Variants in DBNDD1 observed in about 807,000 individuals in gnomAD.
The protein encoded by DBNDD1 is dysbindin domain containing 1, also known as dysbindin domain-containing protein 1.
In DBNDD1, 14 loss-of-function variants were observed where a neutral mutation model predicts 17.0. The ratio of observed to expected loss-of-function variants is 0.82; its 90% CI spans 0.54 to 1.29. The LOEUF (loss-of-function observed/expected upper bound fraction) is 1.29, where lower values mean the gene tolerates loss of function less well. Ranked by LOEUF, DBNDD1 falls within the 50% of genes most tolerant of loss-of-function variation. DBNDD1 has a pLI of 0.00. For missense variants in DBNDD1, 221 were observed against 216.2 expected, an observed-to-expected ratio of 1.02 and a Z score of -0.14; for synonymous variants, 105 against 102.0, an observed-to-expected ratio of 1.03 and a Z score of -0.18.
At chr16:90,011,855 A>C (rs1306925207) in intron 1 of DBNDD1, among the ~76,000 whole-genome samples, 16 of 152,152 alleles carry the variant, frequency 1.1e-4, no homozygotes, top group Non-Finnish European at 1.5e-5. Context: ...CCTCCCGGAC[A>C]CCAGCAGGAA....
At chr16:90,009,858 G>T in intron 1 of DBNDD1, 1 of 1,195,938 alleles carries the variant, frequency 8.4e-7, no homozygotes, top group Non-Finnish European at 1.2e-6. Context: ...CTTCAAACCA[G>T]AACAGCCCCT....
chr16:90,018,529 C>T (rs1019564560), intron 1 of DBNDD1, among the ~76,000 whole-genome samples: 13 of 152,226 alleles, frequency 8.5e-5, no homozygotes, highest in African/African-American at 2.7e-4. Context: ...GTGGGCTTGG[C>T]TGGGCAGGTG....
rs138203048 is a variant in DBNDD1 at position 90,018,522 on chromosome 16, G to A, written c.31+789C>T. Among the ~76,000 whole-genome samples the A allele has an allele frequency of 2.4e-3, 364 of 152,340 alleles. 1 individual carries two copies. The highest frequency in any genetic ancestry group is 8.3e-3 in the African/African-American group (345 of 41,588). On this transcript the variant is annotated intron_variant, in intron 1 of 3. Coordinates refer to ENST00000002501, the MANE Select transcript of DBNDD1 (RefSeq NM_001042610.3). ...AGCTCTAGGAAACCAGGAGGTGGTG[G>A]GCTTGGCTGGGCAGGTGGAGGAGTC...
chr16:90,009,724 C>T (rs1282657905), intron 1 of DBNDD1: 3 of 623,890 alleles, frequency 4.8e-6, no homozygotes, highest in Non-Finnish European at 5.5e-6. Flanking sequence ...ACCATGCAGG[C>T]GTGGAAGTCC....
intron 1 of DBNDD1, among the ~76,000 whole-genome samples, chr16:90,016,385 G>C (rs938056658): frequency 6.6e-6 from 1 of 152,216 alleles, no homozygotes; most frequent in Non-Finnish European, 1.5e-5. Flanking sequence ...TTCCCAGGGT[G>C]GGAACCAGAG....
chr16:90,009,260 C>T (rs928584711), intron 2 of DBNDD1, 24 bp downstream of exon 2: 15 of 1,610,880 alleles, frequency 9.3e-6, no homozygotes, highest in East Asian at 2.2e-5. Flanking sequence ...CCATAGCGTG[C>T]GCTGGGCAGG....
chr16:90,009,753 T>C, intron 1 of DBNDD1: 2 of 647,922 alleles, frequency 3.1e-6, no homozygotes, highest in Non-Finnish European at 5.3e-6. Context: ...CCCGCGTGGC[T>C]GCATTCCAGT....
At position 90,006,223 on chromosome 16, in the gene DBNDD1, G is replaced by GA. The variant is rs1378375084; in HGVS notation, c.*111dup. On this transcript the variant is annotated 3_prime_UTR_variant, in exon 4 of 4. Transcript: ENST00000002501. ...GCCCCCAGGGTGTGTGTCAGGAGGT[G>GA]ACGGCTGGAGCCTCGTGGGCGGGTG... The GA allele has an allele frequency of 3.4e-5, 48 of 1,399,968 alleles. No homozygotes were observed. Among genetic ancestry groups the GA allele is most frequent in the Non-Finnish European group, 4.3e-5 (45 of 1,046,958 alleles). The allele number at this position is 1,399,968 out of a possible 1,614,324, so 86.7% of individuals were successfully genotyped here. A position where few individuals can be genotyped will look rare whatever the true frequency, so the allele number is the denominator to read the frequency against.
chr16:90,016,379 C>T (rs908158564), intron 1 of DBNDD1, among the ~76,000 whole-genome samples: 1 of 152,228 alleles, frequency 6.6e-6, no homozygotes, highest in Non-Finnish European at 1.5e-5. Flanking sequence ...CTGCTTTTCC[C>T]AGGGTGGGAA....
At chr16:90,010,251 G>A (rs1333407823) in intron 1 of DBNDD1, 2 of 492,766 alleles carry the variant, frequency 4.1e-6, no homozygotes, top group South Asian at 2.4e-5. Context: ...TCACCATGTT[G>A]GCCAGGCTGA....
intron 1 of DBNDD1, among the ~76,000 whole-genome samples, chr16:90,013,292 C>T (rs971520353): frequency 2.2e-4 from 11 of 49,784 alleles, no homozygotes; most frequent in Non-Finnish European, 6.5e-4. Context: ...AAGACAGTGG[C>T]TTATGGTTTT....
intron 1 of DBNDD1, chr16:90,009,845 C>A: frequency 9.8e-7 from 1 of 1,023,052 alleles, no homozygotes; most frequent in East Asian, 2.5e-5. Context: ...GCCTCTTGGT[C>A]CCCTTCAAAC....
intron 2 of DBNDD1, 137 bp downstream of exon 2, chr16:90,009,147 C>A: frequency 9.6e-6 from 13 of 1,352,102 alleles, no homozygotes; most frequent in Non-Finnish European, 1.2e-5. Flanking sequence ...AGAACCAGAG[C>A]TGCAAGAGCC....
At chr16:90,009,895 TA>T in intron 1 of DBNDD1, 1 of 1,550,472 alleles carries the variant, frequency 6.4e-7, no homozygotes, top group Non-Finnish European at 8.9e-7. Flanking sequence ...CTTTTCCTTT[TA>T]AAAACTGATG....
At chr16:90,011,624 C>T (rs978681508) in intron 1 of DBNDD1, 16 of 454,362 alleles carry the variant, frequency 3.5e-5, no homozygotes, top group East Asian at 7.0e-5. Context: ...TGGCATGGCC[C>T]GTTTCAGGCC....
intron 3 of DBNDD1, 40 bp from the exon 4 acceptor site, chr16:90,006,532 G>A (rs772243201): frequency 5.0e-6 from 8 of 1,584,252 alleles, no homozygotes; most frequent in Non-Finnish European, 6.0e-6. Context: ...GTGGCTGAGA[G>A]GCCTGGGTGG....
chr16:90,017,377 C>A (rs547110289), intron 1 of DBNDD1, among the ~76,000 whole-genome samples: 210 of 152,182 alleles, frequency 1.4e-3, no homozygotes, highest in Middle Eastern at 3.4e-3. Flanking sequence ...CGCCTGTAGT[C>A]CCAGCCACTG....
Position 90,006,444 on chromosome 16 carries a change from G to A in DBNDD1, c.368C>T (p.Thr123Met), listed in dbSNP as rs747784881. ...RAGYLRSPSW[T>M]RTRAEQSHEK... The stretch of plus-strand genomic sequence containing the variant: ...GTGGCTCTGCTCAGCCCTTGTCCTC[G>A]TCCAGGAAGGGGAGCGCAGGTAGCC... Residue 123 changes from threonine (T) to methionine (M), a missense_variant, in exon 4 of 4, where the codon ACG becomes ATG. Physicochemically the swap from Thr to Met is moderately conservative, Grantham distance 81. Transcript: ENST00000002501. 10 of 1,601,798 alleles carry A rather than the reference G, an allele frequency of 6.2e-6. No homozygotes were observed. The highest frequency in any genetic ancestry group is 3.3e-5 in the South Asian group (3 of 91,054).
chr16:90,010,102 G>A (rs1189760751), intron 1 of DBNDD1: 12 of 1,567,700 alleles, frequency 7.7e-6, no homozygotes, highest in Non-Finnish European at 1.1e-5. Flanking sequence ...CTGGAGTGCA[G>A]TGGTGCAATC....
Sources: allele counts gnomAD v4.1 joint callset (sites outside exome capture counted in the v4.1 genomes callset), GRCh38; gene constraint gnomAD v4.1.1; transcripts MANE v1.5; gene names NCBI Gene and HGNC (gene_info 2026-07-23, HGNC 2026-07-21).